Variants in TRPC6 observed in about 807,000 individuals in gnomAD.
The protein encoded by TRPC6 is transient receptor potential cation channel subfamily C member 6.
TRPC6 carries 55 observed loss-of-function variants against 90.7 expected under a neutral mutation model. The ratio of observed to expected loss-of-function variants is 0.61; its 90% CI spans 0.49 to 0.76. The LOEUF is 0.76. Ranked by LOEUF, TRPC6 falls within the 30% of genes least tolerant of loss-of-function variation. The pLI is 0.00. For synonymous variants in TRPC6, 393 were observed against 393.0 expected, an observed-to-expected ratio of 1.00 and a Z score of 0.00; for missense variants, 989 against 1,122.7, an observed-to-expected ratio of 0.88 and a Z score of 1.70.
At chr11:101,497,258 A>G (rs1859971646) in intron 2 of TRPC6, among the ~76,000 whole-genome samples, 2 of 152,198 alleles carry the variant, frequency 1.3e-5, no homozygotes, top group Admixed American at 1.3e-4. Context: ...GCTAAGGTAC[A>G]CTTTCTTCTT....
At chr11:101,455,265 T>G in intron 10 of TRPC6, 164 bp from the exon 11 acceptor site, 1 of 621,684 alleles carries the variant, frequency 1.6e-6, no homozygotes, top group South Asian at 1.9e-5. Flanking sequence ...GACAAATCAG[T>G]GACATTTTAG....
chr11:101,568,761 C>T (rs1861891568), intron 1 of TRPC6, among the ~76,000 whole-genome samples: 1 of 152,162 alleles, frequency 6.6e-6, no homozygotes, highest in African/African-American at 2.4e-5. Context: ...TCCAGCCAAA[C>T]TAAGCTTCAT....
intron 1 of TRPC6, among the ~76,000 whole-genome samples, chr11:101,559,630 C>A (rs1449351917): frequency 8.2e-6 from 1 of 122,584 alleles, no homozygotes; most frequent in East Asian, 2.3e-4. Context: ...ACTATAATGT[C>A]TTTTCTTTTT....
Position 101,583,925 on chromosome 11 carries a change from T to TC in TRPC6, c.-423dup, listed in dbSNP as rs1024913146. 1.2e-5 allele frequency: 2 copies of TC among 164,806 alleles called. No homozygotes were observed. Among genetic ancestry groups the TC allele is most frequent in the African/African-American group, 2.4e-5 (1 of 41,982 alleles). 10.2% of individuals were successfully genotyped at this position (164,806 alleles called of 1,614,324 possible). Reference sequence around the variant, plus strand: ...TCATCCCCCGCACTCTCCGTCAAGATCCCCACCTTTAAAGGGATCCGAGCG... The same window carrying TC: ...TCATCCCCCGCACTCTCCGTCAAGATCCCCCACCTTTAAAGGGATCCGAGCG... On this transcript the variant is annotated 5_prime_UTR_variant, in exon 1 of 13. Coordinates refer to ENST00000344327, the MANE Select transcript of TRPC6 (RefSeq NM_004621.6).
chr11:101,514,896 G>C, intron 1 of TRPC6, among the ~76,000 whole-genome samples: 1 of 152,164 alleles, frequency 6.6e-6, no homozygotes, highest in South Asian at 2.1e-4. Flanking sequence ...AACTTTGGGG[G>C]AACCTTGCAA....
intron 2 of TRPC6, among the ~76,000 whole-genome samples, chr11:101,494,365 G>T (rs553850722): frequency 6.6e-6 from 1 of 152,226 alleles, no homozygotes; most frequent in South Asian, 2.1e-4. Flanking sequence ...GATTAAATAA[G>T]TATTAAAGAG....
At chr11:101,519,707 G>A (rs573360135) in intron 1 of TRPC6, 1 of 153,664 alleles carries the variant, frequency 6.5e-6, no homozygotes, top group African/African-American at 2.4e-5. Flanking sequence ...ATTCTGAGCT[G>A]TATCTCAAAA....
Position 101,504,140 on chromosome 11 carries a change from A to T in TRPC6, c.829T>A (p.Tyr277Asn). The change falls in exon 2 of 13, where the codon TAT becomes AAT. Residue 277 changes from tyrosine to asparagine, a missense_variant. Tyr to Asn is a moderately radical substitution (Grantham distance 143). This residue lies in a region of TRPC6 where 486 missense variants were observed against 591.9 expected (regional missense o/e 0.82). Transcript: ENST00000344327. ...TAAGCCGGACTTGCCAGGCCTTTAT[A>T]GGCATTAATCCTAGATCTGGAGTGG... ...FSHSRSRINA[Y>N]KGLASPAYLS... The T allele has an allele frequency of 6.2e-7, 1 of 1,614,106 alleles. No homozygotes were observed. Among genetic ancestry groups the T allele is most frequent in the Non-Finnish European group, 8.5e-7 (1 of 1,179,972 alleles).
At chr11:101,525,912 A>G (rs1178579345) in intron 1 of TRPC6, among the ~76,000 whole-genome samples, 2 of 152,228 alleles carry the variant, frequency 1.3e-5, no homozygotes, top group South Asian at 4.1e-4. Flanking sequence ...AGCAGGAACT[A>G]AGAGAACACA....
chr11:101,526,678 C>G (rs1477503924), intron 1 of TRPC6, among the ~76,000 whole-genome samples: 1 of 151,502 alleles, frequency 6.6e-6, no homozygotes, highest in Non-Finnish European at 1.5e-5. Context: ...GTGGCCAACA[C>G]AGTGAAACCC....
intron 10 of TRPC6, among the ~76,000 whole-genome samples, chr11:101,463,819 G>C (rs1418564838): frequency 1.3e-5 from 2 of 152,082 alleles, no homozygotes; most frequent in Non-Finnish European, 2.9e-5. Flanking sequence ...GTTCTGCTCT[G>C]ATCTTAGTTA....
At chr11:101,530,549 C>A (rs796321636) in intron 1 of TRPC6, among the ~76,000 whole-genome samples, 24 of 152,244 alleles carry the variant, frequency 1.6e-4, no homozygotes, top group African/African-American at 5.5e-4. Context: ...ACCCAGGGTC[C>A]CACCAAGTGA....
intron 1 of TRPC6, among the ~76,000 whole-genome samples, chr11:101,576,515 G>C (rs1174954878): frequency 6.6e-6 from 1 of 152,156 alleles, no homozygotes; most frequent in Non-Finnish European, 1.5e-5. Context: ...AAAGCCTCTT[G>C]AGCAGCATAC....
In TRPC6 at chr11:101,476,472, A is replaced by G; in HGVS notation, c.1573T>C (p.Leu525=). The G allele has an allele frequency of 1.2e-6, 2 of 1,614,144 alleles. No homozygotes were observed. Among genetic ancestry groups the G allele is most frequent in the Middle Eastern group, 1.6e-4 (1 of 6,062 alleles). ...ATACCAAAATCAAGCATGTTCCACA[A>G]CTCAAACAAATATTCCTTGGGGCCC... is the stretch of plus-strand genomic sequence containing the variant. The part of the protein sequence containing the change: ...TQGPKEYLFE[L]WNMLDFGMLA... The change falls in exon 6 of 13, where the codon TTG becomes CTG. Residue 525 remains leucine, a synonymous_variant. Transcript: ENST00000344327.
chr11:101,485,321 C>T (rs1247885086), intron 4 of TRPC6, among the ~76,000 whole-genome samples: 5 of 151,358 alleles, frequency 3.3e-5, no homozygotes, highest in African/African-American at 7.3e-5. Flanking sequence ...CTCAATCAAA[C>T]GATGGCAAAA....
chr11:101,465,407 G>A lies in TRPC6; in HGVS notation c.2484+4020C>T, dbSNP rs182017628. On this transcript the variant is annotated intron_variant, in intron 10 of 12. Transcript: ENST00000344327. ...CTTCCTATTTGGTTCCATTCTCCCCGTCACCTTCTGGTACACTAATCTAAT... is the reference window on the plus strand; with the variant it reads ...CTTCCTATTTGGTTCCATTCTCCCCATCACCTTCTGGTACACTAATCTAAT... 8.1e-4 allele frequency among the ~76,000 whole-genome samples: 124 copies of A among 152,212 alleles called. 1 individual carries two copies. The highest frequency in any genetic ancestry group is 7.7e-4 in the East Asian group (4 of 5,182).
At chr11:101,527,322 T>C (rs1860802290) in intron 1 of TRPC6, among the ~76,000 whole-genome samples, 1 of 152,168 alleles carries the variant, frequency 6.6e-6, no homozygotes, top group Non-Finnish European at 1.5e-5. Flanking sequence ...AAAACAATAC[T>C]TGAAATCACT....
At chr11:101,583,186 C>T in intron 1 of TRPC6, 148 bp downstream of exon 1, 1 of 1,393,134 alleles carries the variant, frequency 7.2e-7, no homozygotes, top group Admixed American at 2.9e-5. Flanking sequence ...CAGGTCCCAG[C>T]CCTGGCTCTC....
intron 1 of TRPC6, among the ~76,000 whole-genome samples, chr11:101,535,118 G>T (rs1442264044): frequency 6.6e-6 from 1 of 150,504 alleles, no homozygotes. Flanking sequence ...GTGAGCCAAG[G>T]TCACACCACT....
Sources: allele counts gnomAD v4.1 joint callset (sites outside exome capture counted in the v4.1 genomes callset), GRCh38; gene constraint gnomAD v4.1.1; regional missense constraint gnomAD v4.1.1; transcripts MANE v1.5; gene names NCBI Gene and HGNC (gene_info 2026-07-23, HGNC 2026-07-21).